The following CAPZA2 variants were observed in gnomAD, a reference collection of about 807,000 sequenced individuals.
CAPZA2 encodes F-actin-capping protein subunit alpha-2.
CAPZA2 carries 13 observed loss-of-function variants against 44.0 expected under a neutral mutation model. The observed-to-expected ratio is 0.30, with a 90% CI of 0.19 to 0.47. The LOEUF is 0.47. Among genes scored for constraint, CAPZA2 ranks in the 20% least tolerant of loss-of-function variants. The probability of loss-of-function intolerance (pLI) is 1.00; values close to 1 mark genes in which losing one functional copy is unlikely to be tolerated. For missense variants in CAPZA2, 244 were observed against 338.6 expected, an observed-to-expected ratio of 0.72 and a Z score of 2.19; for synonymous variants, 94 against 108.2, an observed-to-expected ratio of 0.87 and a Z score of 0.81.
intron 1 of CAPZA2, among the ~76,000 whole-genome samples, chr7:116,872,039 C>G (rs1236776897): frequency 6.6e-6 from 1 of 151,888 alleles, no homozygotes; most frequent in Non-Finnish European, 1.5e-5. Context: ...TCTGAATGTG[C>G]AACTAGGATT....
chr7:116,913,723 C>T (rs1490172464), intron 8 of CAPZA2, among the ~76,000 whole-genome samples: 1 of 151,646 alleles, frequency 6.6e-6, no homozygotes, highest in Non-Finnish European at 1.5e-5. Context: ...CCAGTTGAGC[C>T]TCCTGAGTAG....
intron 6 of CAPZA2, among the ~76,000 whole-genome samples, chr7:116,907,010 T>C (rs1791523166): frequency 6.6e-6 from 1 of 152,238 alleles, no homozygotes; most frequent in African/African-American, 2.4e-5. Context: ...TTGAATGAAA[T>C]CTTTACGTTT....
chr7:116,878,436 A>G (rs920642577), intron 1 of CAPZA2, among the ~76,000 whole-genome samples: 6 of 152,212 alleles, frequency 3.9e-5, no homozygotes, highest in African/African-American at 1.2e-4. Flanking sequence ...ATCATAGATA[A>G]TATTTTATTA....
At chr7:116,869,919 G>T (rs1165049690) in intron 1 of CAPZA2, among the ~76,000 whole-genome samples, 2 of 152,086 alleles carry the variant, frequency 1.3e-5, no homozygotes, top group South Asian at 2.1e-4. Context: ...ACCTAGGCTT[G>T]AGTGCAGTGG....
chr7:116,862,665 G>A lies in CAPZA2; in HGVS notation c.39+15G>A. The A allele has an allele frequency of 6.5e-7, 1 of 1,538,202 alleles. No homozygotes were observed. Among genetic ancestry groups the A allele is most frequent in the Non-Finnish European group, 8.8e-7 (1 of 1,141,242 alleles). On this transcript the variant is annotated intron_variant, in intron 1 of 9. Transcript: ENST00000361183. ...ATGAAGAGAAGGTAAGAGTCGCGGGGGCGACGGCGCGGGCTGTCAGGAGCC... is the reference window on the plus strand; with the variant it reads ...ATGAAGAGAAGGTAAGAGTCGCGGGAGCGACGGCGCGGGCTGTCAGGAGCC...
chr7:116,897,359 C>T (rs1378759299), intron 3 of CAPZA2, among the ~76,000 whole-genome samples: 1 of 151,932 alleles, frequency 6.6e-6, no homozygotes, highest in African/African-American at 2.4e-5. Flanking sequence ...TCTTTCTCAC[C>T]CTTGTACACT....
intron 2 of CAPZA2, 163 bp downstream of exon 2, chr7:116,888,353 A>G (rs1796789569): frequency 4.1e-6 from 2 of 484,884 alleles, no homozygotes; most frequent in South Asian, 3.9e-5. Context: ...CTAGAATATA[A>G]TGTATTTATT....
chr7:116,899,787 TTAGA>T (rs1309449687), intron 4 of CAPZA2, among the ~76,000 whole-genome samples: 4 of 151,612 alleles, frequency 2.6e-5, no homozygotes, highest in Non-Finnish European at 5.9e-5. Context: ...TTTAAAAATG[TTAGA>T]TAGCCTCCAA....
rs534083838 is a variant in CAPZA2, at chr7:116,890,268, G to A, written c.103+2078G>A. 1.8e-3 allele frequency among the ~76,000 whole-genome samples: 278 copies of A among 151,866 alleles called. 2 individuals are homozygous for A. The highest frequency in any genetic ancestry group is 6.5e-3 in the African/African-American group (267 of 41,378). ...TTCTCTGTTGAGTTGTAGTAAATTT[G>A]GGCATTTAGGATGAGCCTATTAAAT... On this transcript the variant is annotated intron_variant, in intron 2 of 9. Coordinates refer to ENST00000361183, the MANE Select transcript of CAPZA2 (RefSeq NM_006136.3).
rs1295421342 is a variant in CAPZA2, at chr7:116,904,322, C to G, written c.365C>G (p.Thr122Ser). Reference protein sequence around the residue: ...EVENAVESWRTSVETALRAYV... With the variant: ...EVENAVESWRSSVETALRAYV... Reference sequence around the variant, plus strand: ...GAAAATGCAGTTGAATCATGGAGAACTTCAGTAGAAACTGCTCTGAGAGCT... The same window carrying G: ...GAAAATGCAGTTGAATCATGGAGAAGTTCAGTAGAAACTGCTCTGAGAGCT... Residue 122 changes from threonine to serine, a missense_variant, in exon 5 of 10, where the codon ACT (threonine) becomes AGT (serine). Transcript: ENST00000361183. 6.2e-7 allele frequency: 1 copy of G among 1,613,760 alleles called. No homozygotes were observed. The highest frequency in any genetic ancestry group is 2.2e-5 in the East Asian group (1 of 44,850).
chr7:116,892,609 C>T (rs1353203011), intron 2 of CAPZA2, among the ~76,000 whole-genome samples: 1 of 151,262 alleles, frequency 6.6e-6, no homozygotes, highest in Non-Finnish European at 1.5e-5. Flanking sequence ...TCTTGGGCCA[C>T]ACATAAAATA....
intron 8 of CAPZA2, among the ~76,000 whole-genome samples, chr7:116,913,916 T>C (rs867880408): frequency 2.0e-5 from 3 of 151,686 alleles, no homozygotes; most frequent in Non-Finnish European, 4.4e-5. Flanking sequence ...ATATTGACAG[T>C]ATAACATTTA....
chr7:116,882,490 A>C (rs914611669), intron 1 of CAPZA2, among the ~76,000 whole-genome samples: 2 of 152,022 alleles, frequency 1.3e-5, no homozygotes, highest in Non-Finnish European at 1.5e-5. Flanking sequence ...TTTTTTTTAC[A>C]AAAAAGTAAG....
Position 116,862,591 on chromosome 7 carries a change from C to G in CAPZA2, c.-21C>G, listed in dbSNP as rs1402105948. On this transcript the variant is annotated 5_prime_UTR_variant, in exon 1 of 10. Coordinates refer to ENST00000361183, the MANE Select transcript of CAPZA2 (RefSeq NM_006136.3). ...GTGGCCGCTGCCGCCGCCGCCGCCG[C>G]GGTTTGTCGCCAGAAGGAAGATGGC... 3 of 1,536,040 alleles carry G rather than the reference C, an allele frequency of 2.0e-6. No individual in the cohort carries two copies. Among genetic ancestry groups the G allele is most frequent in the South Asian group, 2.4e-5 (2 of 83,180 alleles).
Position 116,898,817 on chromosome 7 carries a change from T to C in CAPZA2, c.201T>C (p.Ile67=). 6.3e-7 allele frequency: 1 copy of C among 1,591,134 alleles called. No individual in the cohort carries two copies. The highest frequency in any genetic ancestry group is 8.6e-7 in the Non-Finnish European group (1 of 1,162,080). ...TGGACCAGTTTACTCCAGTAAAAAT[T>C]GAAGGTTATGAAGATCAGGTATGTT... The part of the protein sequence containing the change: ...YNLDQFTPVK[I]EGYEDQVLIT... The change falls in exon 4 of 10, where the codon ATT becomes ATC. Residue 67 remains isoleucine, a synonymous_variant. Transcript: ENST00000361183.
intron 8 of CAPZA2, 64 bp downstream of exon 8, chr7:116,912,204 A>G: frequency 1.3e-6 from 2 of 1,584,590 alleles, no homozygotes; most frequent in Non-Finnish European, 1.7e-6. Flanking sequence ...ACAGTTTTGG[A>G]ATGAACATTT....
intron 2 of CAPZA2, among the ~76,000 whole-genome samples, chr7:116,892,716 T>C (rs1796864711): frequency 6.6e-6 from 1 of 152,036 alleles, no homozygotes; most frequent in African/African-American, 2.4e-5. Flanking sequence ...TCCTAGGCCA[T>C]GGGTTGGACA....
intron 1 of CAPZA2, chr7:116,880,041 T>C: frequency 2.2e-6 from 1 of 464,106 alleles, no homozygotes; most frequent in Admixed American, 2.5e-5. Context: ...TTTCTCCCGC[T>C]CTGATTGATT....
intron 1 of CAPZA2, among the ~76,000 whole-genome samples, chr7:116,876,795 T>A (rs1039954640): frequency 6.6e-6 from 1 of 152,202 alleles, no homozygotes; most frequent in African/African-American, 2.4e-5. Context: ...CAGCAGTTTA[T>A]TAATCACAAA....
Sources: allele counts gnomAD v4.1 joint callset (sites outside exome capture counted in the v4.1 genomes callset), GRCh38; gene constraint gnomAD v4.1.1; transcripts MANE v1.5; gene names NCBI Gene and HGNC (gene_info 2026-07-23, HGNC 2026-07-21).